WWOX: variants seen among roughly 807,000 people sequenced by gnomAD.
The protein encoded by WWOX is WW domain containing oxidoreductase.
Under a neutral mutation model 46.2 loss-of-function variants are expected in WWOX, and 69 were observed. The observed-to-expected ratio is 1.49, with a 90% CI of 1.23 to 1.82. The LOEUF is 1.82. Among genes scored for constraint, WWOX ranks in the 40% most tolerant of loss-of-function variants. WWOX has a pLI of 0.00. For synonymous variants in WWOX, 359 were observed against 202.6 expected (o/e 1.77, Z -6.56); for missense variants, 919 against 542.6 (o/e 1.69, Z -6.89).
At chr16:78,860,336 C>G (rs1286348419) in intron 8 of WWOX, among the ~76,000 whole-genome samples, 1 of 152,186 alleles carries the variant, frequency 6.6e-6, no homozygotes, top group Non-Finnish European at 1.5e-5. Context: ...AGAATTCCCA[C>G]ACTTGGCCCC....
At position 78,343,944 on chromosome 16, in the gene WWOX, C is replaced by A. The variant is rs554031993; in HGVS notation, c.517-42916C>A. On this transcript the variant is annotated intron_variant, in intron 5 of 8. Transcript: ENST00000566780. The stretch of plus-strand genomic sequence containing the variant: ...GAGCAATGTAGTCTAAATGTGGTTG[C>A]ATCATCTTCTTTCTTCCTTTGCCTT... Among the ~76,000 whole-genome samples the A allele has an allele frequency of 2.5e-5, 3 of 120,512 alleles. 1 individual carries two copies. Among genetic ancestry groups the A allele is most frequent in the Admixed American group, 2.4e-4 (3 of 12,332 alleles). 79.1% of individuals were successfully genotyped at this position (120,512 alleles called of 152,430 possible). A position where few individuals can be genotyped will look rare whatever the true frequency, so the allele number is the denominator to read the frequency against.
At chr16:78,886,450 G>A (rs113478208) in intron 8 of WWOX, among the ~76,000 whole-genome samples, 3 of 151,598 alleles carry the variant, frequency 2.0e-5, no homozygotes, top group African/African-American at 7.3e-5. Context: ...TTGGACATTT[G>A]CTCCCAATTT....
At chr16:78,611,305 A>C (rs2045894762) in intron 8 of WWOX, among the ~76,000 whole-genome samples, 1 of 152,198 alleles carries the variant, frequency 6.6e-6, no homozygotes, top group South Asian at 2.1e-4. Context: ...TTTATTTTAA[A>C]TCCCCTGTCA....
chr16:79,068,763 A>G (rs976805961), intron 8 of WWOX, among the ~76,000 whole-genome samples: 9 of 151,264 alleles, frequency 5.9e-5, no homozygotes, highest in African/African-American at 2.2e-4. Context: ...GTGAGATATG[A>G]CCTCACCACT....
At chr16:78,867,712 G>C (rs2044036658) in intron 8 of WWOX, among the ~76,000 whole-genome samples, 1 of 151,896 alleles carries the variant, frequency 6.6e-6, no homozygotes, top group Non-Finnish European at 1.5e-5. Context: ...GGCTAATTAA[G>C]TGAGTTTCTT....
intron 8 of WWOX, among the ~76,000 whole-genome samples, chr16:78,641,527 G>A (rs1365229130): frequency 6.6e-6 from 1 of 152,096 alleles, no homozygotes; most frequent in Non-Finnish European, 1.5e-5. Flanking sequence ...AATCAAATGG[G>A]GAAAAGAACA....
intron 8 of WWOX, among the ~76,000 whole-genome samples, chr16:78,862,263 C>T (rs570074471): frequency 6.6e-5 from 9 of 135,978 alleles, no homozygotes; most frequent in East Asian, 2.0e-4. Flanking sequence ...TCTGTCTGTA[C>T]CTATACACAC....
intron 8 of WWOX, among the ~76,000 whole-genome samples, chr16:79,030,982 C>G (rs1415318485): frequency 6.6e-6 from 1 of 151,630 alleles, no homozygotes; most frequent in African/African-American, 2.4e-5. Context: ...GTCCCACCCA[C>G]TCGAGAGGCT....
chr16:78,623,329 C>A (rs7499936), intron 8 of WWOX, among the ~76,000 whole-genome samples: 2 of 152,160 alleles, frequency 1.3e-5, no homozygotes, highest in African/African-American at 4.8e-5. Flanking sequence ...ACAGCAAGTT[C>A]TAAGTTACTC....
intron 8 of WWOX, among the ~76,000 whole-genome samples, chr16:78,988,976 C>G (rs1207011800): frequency 1.3e-5 from 2 of 152,150 alleles, no homozygotes; most frequent in Non-Finnish European, 2.9e-5. Flanking sequence ...CAGGAGAATT[C>G]CTGAGTTCCT....
chr16:79,200,287 T>A (rs968523288), intron 8 of WWOX, among the ~76,000 whole-genome samples: 4 of 152,030 alleles, frequency 2.6e-5, no homozygotes, highest in Non-Finnish European at 5.9e-5. Context: ...ACCAGAGGGA[T>A]CAAATGGCCC....
At chr16:79,005,460 T>C (rs891239449) in intron 8 of WWOX, among the ~76,000 whole-genome samples, 5 of 152,166 alleles carry the variant, frequency 3.3e-5, no homozygotes, top group African/African-American at 1.2e-4. Context: ...TCCCACAGTT[T>C]TGGAGGCTCA....
At chr16:79,125,222 T>C (rs1386846046) in intron 8 of WWOX, among the ~76,000 whole-genome samples, 1 of 152,216 alleles carries the variant, frequency 6.6e-6, no homozygotes, top group African/African-American at 2.4e-5. Context: ...ACAGCTGTAG[T>C]CTGCCAGGCC....
At chr16:78,164,100 G>C in intron 4 of WWOX, 83 bp from the exon 5 acceptor site, 3 of 1,269,192 alleles carry the variant, frequency 2.4e-6, no homozygotes, top group Non-Finnish European at 3.4e-6. Flanking sequence ...GGTAATTTAA[G>C]TGGTGCTCCG....
chr16:78,406,322 ATAT>A (rs1355012089), intron 6 of WWOX, among the ~76,000 whole-genome samples: 1 of 77,610 alleles, frequency 1.3e-5, no homozygotes. Context: ...ATATATATAT[ATAT>A]ATATATATAT....
chr16:79,114,190 T>C (rs1432491344), intron 8 of WWOX, among the ~76,000 whole-genome samples: 1 of 151,954 alleles, frequency 6.6e-6, no homozygotes, highest in African/African-American at 2.4e-5. Context: ...TTGAATTGCA[T>C]CCCCCCAGAA....
At chr16:78,130,818 G>A (rs2033561279) in intron 4 of WWOX, among the ~76,000 whole-genome samples, 1 of 152,198 alleles carries the variant, frequency 6.6e-6, no homozygotes, top group Non-Finnish European at 1.5e-5. Context: ...TGCCCTTGTG[G>A]AGGATACAAA....
At chr16:78,978,004 C>G (rs1409388238) in intron 8 of WWOX, among the ~76,000 whole-genome samples, 1 of 152,176 alleles carries the variant, frequency 6.6e-6, no homozygotes, top group African/African-American at 2.4e-5. Context: ...TTGTATCTCC[C>G]CACAATAAAA....
At chr16:78,890,393 A>T (rs2044563996) in intron 8 of WWOX, 1 of 152,152 alleles carries the variant, frequency 6.6e-6, no homozygotes, top group Admixed American at 6.5e-5. Context: ...CATCATTCTT[A>T]ATCCTCATGT....
Sources: gnomAD v4.1 joint callset for allele counts (sites outside exome capture counted in the v4.1 genomes callset) on GRCh38, gnomAD v4.1.1 for gene constraint, MANE v1.5 for transcripts, NCBI Gene and HGNC (gene_info 2026-07-23, HGNC 2026-07-21) for gene names.